DOK6: variants seen among roughly 807,000 people sequenced by gnomAD.
The protein encoded by DOK6 is downstream of tyrosine kinase 6.
Under a neutral mutation model 44.0 loss-of-function variants are expected in DOK6, and 22 were observed. That is an observed-to-expected ratio of 0.50 (90% CI 0.36 to 0.71). DOK6 has a LOEUF of 0.71. Among genes scored for constraint, DOK6 ranks in the 30% least tolerant of loss-of-function variants. The pLI is 0.00. For missense variants in DOK6, 340 were observed against 416.4 expected (o/e 0.82, Z 1.60); for synonymous variants, 166 against 145.5 (o/e 1.14, Z -1.01).
chr18:69,646,129 C>T, intron 3 of DOK6, among the ~76,000 whole-genome samples: 1 of 151,874 alleles, frequency 6.6e-6, no homozygotes, highest in Non-Finnish European at 1.5e-5. Flanking sequence ...TGTAATAGAC[C>T]CCTTCAAAAT....
chr18:69,506,425 C>T (rs975783948), intron 1 of DOK6, among the ~76,000 whole-genome samples: 1 of 152,158 alleles, frequency 6.6e-6, no homozygotes, highest in African/African-American at 2.4e-5. Context: ...TTATCCCTAA[C>T]CCCTGACAAC....
intron 5 of DOK6, among the ~76,000 whole-genome samples, chr18:69,715,139 TC>T (rs563485511): frequency 1.8e-4 from 28 of 152,202 alleles, no homozygotes; most frequent in Middle Eastern, 3.4e-3. Flanking sequence ...ACAAGACAAA[TC>T]GGTCTAGATT....
rs562547454 is a variant in DOK6 at position 69,701,382 on chromosome 18, C to T, written c.599+2789C>T. ...TTTAAAGGTAGAAACAACCAATTTGCCATGCAAGCATATTTTCTCAAGATA... is the reference window on the plus strand; with the variant it reads ...TTTAAAGGTAGAAACAACCAATTTGTCATGCAAGCATATTTTCTCAAGATA... On this transcript the variant is annotated intron_variant, in intron 5 of 7. Coordinates refer to ENST00000382713, the MANE Select transcript of DOK6 (RefSeq NM_152721.6). 3.3e-5 allele frequency among the ~76,000 whole-genome samples: 5 copies of T among 152,324 alleles called. No homozygotes were observed. In the South Asian group the frequency reaches 1.0e-3, roughly 32 times the overall value.
chr18:69,839,346 GC>G (rs1982146356), intron 7 of DOK6, among the ~76,000 whole-genome samples: 1 of 112,900 alleles, frequency 8.9e-6, no homozygotes, highest in South Asian at 2.8e-4. Flanking sequence ...TCCTCCCCTA[GC>G]CCCTCCCCTG....
chr18:69,512,028 A>G (rs963214043), intron 1 of DOK6, among the ~76,000 whole-genome samples: 2 of 152,032 alleles, frequency 1.3e-5, no homozygotes, highest in African/African-American at 4.8e-5. Flanking sequence ...GATCACAATA[A>G]TGGTGTTTCT....
intron 3 of DOK6, among the ~76,000 whole-genome samples, chr18:69,649,591 G>A (rs1039496020): frequency 4.6e-5 from 7 of 152,144 alleles, no homozygotes; most frequent in African/African-American, 1.4e-4. Flanking sequence ...AGATAGTGGA[G>A]TCTTAACAGA....
intron 1 of DOK6, among the ~76,000 whole-genome samples, chr18:69,480,370 A>AT (rs1386443581): frequency 2.0e-5 from 3 of 152,102 alleles, no homozygotes; most frequent in African/African-American, 7.2e-5. Flanking sequence ...AAAGATATGA[A>AT]TCTTGACTAT....
chr18:69,689,889 A>G (rs1227155330), intron 4 of DOK6, among the ~76,000 whole-genome samples: 1 of 152,118 alleles, frequency 6.6e-6, no homozygotes, highest in African/African-American at 2.4e-5. Flanking sequence ...AATATTATGC[A>G]TTTCTTAAAA....
intron 3 of DOK6, among the ~76,000 whole-genome samples, chr18:69,673,218 T>A (rs1043056945): frequency 3.0e-5 from 4 of 135,172 alleles, no homozygotes; most frequent in African/African-American, 1.1e-4. Context: ...GCTGATAGCA[T>A]ATTTTCTGTG....
chr18:69,447,486 C>T (rs184685294), intron 1 of DOK6, among the ~76,000 whole-genome samples: 229 of 152,218 alleles, frequency 1.5e-3, no homozygotes, highest in Non-Finnish European at 2.2e-3. Context: ...AGTCAGGTAA[C>T]GTGATGCCTC....
chr18:69,835,507 C>G lies in DOK6; in HGVS notation c.857-5737C>G, dbSNP rs540080960. On this transcript the variant is annotated intron_variant, in intron 7 of 7. Transcript: ENST00000382713. ...AACAAAAAAAAAAACAGCTTCTGGCCCCCAATTCATTGCAGTAAGAGCCTG... is the reference window on the plus strand; with the variant it reads ...AACAAAAAAAAAAACAGCTTCTGGCGCCCAATTCATTGCAGTAAGAGCCTG... Among the ~76,000 whole-genome samples the G allele has an allele frequency of 8.5e-5, 13 of 152,102 alleles. No individual in the cohort carries two copies. The South Asian group carries it at 2.7e-3, about 32-fold the overall frequency.
chr18:69,792,181 A>G (rs1980620329), intron 7 of DOK6, among the ~76,000 whole-genome samples: 1 of 152,184 alleles, frequency 6.6e-6, no homozygotes, highest in Admixed American at 6.6e-5. Flanking sequence ...GAAGTCGAGT[A>G]ATGTGATTCT....
At chr18:69,442,732 G>C (rs1979171582) in intron 1 of DOK6, among the ~76,000 whole-genome samples, 1 of 145,390 alleles carries the variant, frequency 6.9e-6, no homozygotes, top group South Asian at 2.1e-4. Flanking sequence ...GTTGCTTATT[G>C]TCTTATACTA....
At chr18:69,757,072 C>T (rs1376938276) in intron 6 of DOK6, among the ~76,000 whole-genome samples, 1 of 152,188 alleles carries the variant, frequency 6.6e-6, no homozygotes, top group African/African-American at 2.4e-5. Context: ...TGCCGGAGCA[C>T]GTGATATTGT....
intron 2 of DOK6, among the ~76,000 whole-genome samples, chr18:69,591,592 C>T (rs970384030): frequency 2.4e-5 from 2 of 83,326 alleles, no homozygotes; most frequent in African/African-American, 5.7e-5. Flanking sequence ...AGACTAAGGT[C>T]GATATTAAAT....
At chr18:69,770,521 G>T (rs1979856460) in intron 7 of DOK6, among the ~76,000 whole-genome samples, 1 of 152,054 alleles carries the variant, frequency 6.6e-6, no homozygotes, top group Admixed American at 6.6e-5. Flanking sequence ...AGACAACCCA[G>T]ATGGAAGCCA....
chr18:69,703,936 G>A (rs1360717342), intron 5 of DOK6, among the ~76,000 whole-genome samples: 2 of 152,148 alleles, frequency 1.3e-5, no homozygotes, highest in South Asian at 4.2e-4. Context: ...TTATAAGAAG[G>A]AGAAAGAAAC....
At chr18:69,517,190 G>A (rs1981552402) in intron 1 of DOK6, among the ~76,000 whole-genome samples, 1 of 152,148 alleles carries the variant, frequency 6.6e-6, no homozygotes, top group South Asian at 2.1e-4. Context: ...TCAGAATAGA[G>A]TCAAAGCCAA....
intron 5 of DOK6, among the ~76,000 whole-genome samples, chr18:69,700,687 GT>G (rs1986500146): frequency 6.6e-6 from 1 of 152,166 alleles, no homozygotes; most frequent in Non-Finnish European, 1.5e-5. Flanking sequence ...TTGTGCATCT[GT>G]TTTGTAAATT....
Sources: allele counts gnomAD v4.1 joint callset (sites outside exome capture counted in the v4.1 genomes callset), GRCh38; gene constraint gnomAD v4.1.1; transcripts MANE v1.5; gene names NCBI Gene and HGNC (gene_info 2026-07-23, HGNC 2026-07-21).